The following PPFIA2 variants were observed in gnomAD, a reference collection of about 807,000 sequenced individuals.
The protein encoded by PPFIA2 is liprin-alpha-2.
Under a neutral mutation model 175.5 loss-of-function variants are expected in PPFIA2, and 46 were observed. The observed-to-expected ratio is 0.26, with a 90% CI of 0.21 to 0.34. The LOEUF is 0.34. Among genes scored for constraint, PPFIA2 ranks in the 10% least tolerant of loss-of-function variants. The pLI is 1.00. For missense variants in PPFIA2, 1,179 were observed against 1,506.1 expected (o/e 0.78, Z 3.60); for synonymous variants, 568 against 511.4 (o/e 1.11, Z -1.49).
chr12:81,661,710 C>G (rs1252302935), intron 4 of PPFIA2, among the ~76,000 whole-genome samples: 1 of 152,312 alleles, frequency 6.6e-6, no homozygotes, highest in Admixed American at 6.5e-5. Flanking sequence ...TAATAGACAT[C>G]TACAGAACTC....
chr12:81,632,415 A>G (rs1456606062), intron 4 of PPFIA2, among the ~76,000 whole-genome samples: 1 of 152,108 alleles, frequency 6.6e-6, no homozygotes, highest in Non-Finnish European at 1.5e-5. Flanking sequence ...GTAAATATAT[A>G]TATGTTGTAG....
intron 4 of PPFIA2, among the ~76,000 whole-genome samples, chr12:81,662,518 G>T (rs945588459): frequency 5.9e-5 from 9 of 152,210 alleles, no homozygotes; most frequent in African/African-American, 2.2e-4. Flanking sequence ...TTGAATCTCT[G>T]AATAGACCAA....
At chr12:81,535,009 T>C (rs1358758845) in intron 4 of PPFIA2, among the ~76,000 whole-genome samples, 4 of 151,632 alleles carry the variant, frequency 2.6e-5, no homozygotes, top group African/African-American at 9.7e-5. Context: ...TTTTAGCAGG[T>C]GTTATGGCCA....
At chr12:81,497,309 T>TGAGATG (rs1295201645) in intron 4 of PPFIA2, among the ~76,000 whole-genome samples, 3 of 152,174 alleles carry the variant, frequency 2.0e-5, no homozygotes, top group Admixed American at 1.3e-4. Flanking sequence ...ACGAGATGCT[T>TGAGATG]CTAAATTTCT....
At chr12:81,657,385 G>C (rs1166415432) in intron 4 of PPFIA2, among the ~76,000 whole-genome samples, 1 of 152,138 alleles carries the variant, frequency 6.6e-6, no homozygotes. Flanking sequence ...AACTTACTGG[G>C]GTCCATGGAG....
chr12:81,362,068 C>T (rs1359526114), intron 15 of PPFIA2, among the ~76,000 whole-genome samples: 1 of 151,328 alleles, frequency 6.6e-6, no homozygotes, highest in Non-Finnish European at 1.5e-5. Context: ...ATCAAGTAAG[C>T]TGCCATCCAT....
chr12:81,409,640 A>C (rs183490940), intron 7 of PPFIA2, among the ~76,000 whole-genome samples: 69 of 152,206 alleles, frequency 4.5e-4, no homozygotes, highest in African/African-American at 1.6e-3. Flanking sequence ...AAATAAATTT[A>C]TTTTCTTTAA....
chr12:81,655,894 TCTC>T (rs2067719473), intron 4 of PPFIA2, among the ~76,000 whole-genome samples: 1 of 152,060 alleles, frequency 6.6e-6, no homozygotes, highest in South Asian at 2.1e-4. Flanking sequence ...GCTTTTCTAT[TCTC>T]CTTTTGATTC....
intron 15 of PPFIA2, among the ~76,000 whole-genome samples, chr12:81,360,264 A>G (rs1434183742): frequency 6.6e-6 from 1 of 151,846 alleles, no homozygotes; most frequent in East Asian, 1.9e-4. Context: ...GGTGTTCAGT[A>G]TTTTGAAAGG....
intron 8 of PPFIA2, among the ~76,000 whole-genome samples, chr12:81,394,705 G>A (rs1031773663): frequency 2.0e-5 from 3 of 151,750 alleles, no homozygotes; most frequent in Non-Finnish European, 4.4e-5. Context: ...CCTAATGCAT[G>A]TGGGGCTTAA....
intron 4 of PPFIA2, among the ~76,000 whole-genome samples, chr12:81,673,790 C>T (rs2071909560): frequency 6.6e-6 from 1 of 151,944 alleles, no homozygotes; most frequent in Non-Finnish European, 1.5e-5. Flanking sequence ...AATTAATTTA[C>T]AGTTTCTGAA....
chr12:81,289,969 G>T (rs905705482), intron 24 of PPFIA2, among the ~76,000 whole-genome samples: 21 of 151,698 alleles, frequency 1.4e-4, no homozygotes, highest in Non-Finnish European at 1.9e-4. Context: ...CTGGCTCAAG[G>T]TAATCATATA....
intron 4 of PPFIA2, among the ~76,000 whole-genome samples, chr12:81,652,062 T>C (rs533196798): frequency 6.6e-6 from 1 of 151,736 alleles, no homozygotes; most frequent in South Asian, 2.1e-4. Context: ...TATACAGTTA[T>C]ACAGTCTGTA....
chr12:81,368,410 C>T (rs1302855450), intron 13 of PPFIA2, among the ~76,000 whole-genome samples: 1 of 151,658 alleles, frequency 6.6e-6, no homozygotes, highest in East Asian at 1.9e-4. Context: ...TGTCTCATCA[C>T]TTTTCTATTT....
intron 9 of PPFIA2, among the ~76,000 whole-genome samples, chr12:81,381,023 A>T (rs994559917): frequency 3.3e-4 from 49 of 147,168 alleles, no homozygotes; most frequent in African/African-American, 1.0e-4. Context: ...AAAAAAAGTG[A>T]TGCATGCAGT....
intron 4 of PPFIA2, among the ~76,000 whole-genome samples, chr12:81,583,743 G>C (rs1463863445): frequency 6.6e-6 from 1 of 151,836 alleles, no homozygotes; most frequent in African/African-American, 2.4e-5. Flanking sequence ...CATCCCTAAA[G>C]ATCTGGAGGC....
chr12:81,426,624 A>T (rs919411148), intron 7 of PPFIA2, among the ~76,000 whole-genome samples: 4 of 152,190 alleles, frequency 2.6e-5, no homozygotes, highest in African/African-American at 9.7e-5. Context: ...ATTATCAATT[A>T]AAAAATTAAG....
intron 3 of PPFIA2, among the ~76,000 whole-genome samples, chr12:81,728,094 A>T (rs2080330173): frequency 6.6e-6 from 1 of 151,468 alleles, no homozygotes; most frequent in Non-Finnish European, 1.5e-5. Flanking sequence ...TTCAACTCTA[A>T]TGCAATAAGA....
intron 4 of PPFIA2, among the ~76,000 whole-genome samples, chr12:81,612,759 A>T (rs1225408180): frequency 9.2e-5 from 14 of 152,236 alleles, no homozygotes; most frequent in Admixed American, 9.2e-4. Context: ...ATTTCATAAA[A>T]TATGTATATG....
Sources: gnomAD v4.1 joint callset for allele counts (sites outside exome capture counted in the v4.1 genomes callset) on GRCh38, gnomAD v4.1.1 for gene constraint, MANE v1.5 for transcripts, NCBI Gene and HGNC (gene_info 2026-07-23, HGNC 2026-07-21) for gene names.